CLRN1: variants seen among roughly 807,000 people sequenced by gnomAD.
CLRN1 encodes clarin 1.
Under a neutral mutation model 18.7 loss-of-function variants are expected in CLRN1, and 15 were observed. The ratio of observed to expected loss-of-function variants is 0.80; its 90% CI spans 0.54 to 1.23. The LOEUF (loss-of-function observed/expected upper bound fraction) is 1.23. Ranked by LOEUF, CLRN1 falls within the 50% of genes most tolerant of loss-of-function variation. The pLI is 0.00. For missense variants in CLRN1, 311 were observed against 277.5 expected (o/e 1.12, Z -0.86); for synonymous variants, 104 against 102.9 (o/e 1.01, Z -0.07).
chr3:150,959,237 CAAT>C (rs950614617), intron 1 of CLRN1, among the ~76,000 whole-genome samples: 1 of 145,236 alleles, frequency 6.9e-6, no homozygotes, highest in African/African-American at 2.5e-5. Context: ...CATGGGCACT[CAAT>C]AATCTTTTTA....
At chr3:150,966,675 G>T (rs1409283491) in intron 1 of CLRN1, among the ~76,000 whole-genome samples, 1 of 152,132 alleles carries the variant, frequency 6.6e-6, no homozygotes, top group Non-Finnish European at 1.5e-5. Flanking sequence ...GTAAAAGATT[G>T]TAATGGGAGA....
chr3:150,957,242 C>T (rs1280352566), intron 1 of CLRN1, among the ~76,000 whole-genome samples: 1 of 73,396 alleles, frequency 1.4e-5, no homozygotes, highest in East Asian at 5.2e-4. Flanking sequence ...ATTTTATACA[C>T]ACACACACAC....
At chr3:150,960,734 C>A (rs1336739500) in intron 1 of CLRN1, among the ~76,000 whole-genome samples, 1 of 152,172 alleles carries the variant, frequency 6.6e-6, no homozygotes, top group Non-Finnish European at 1.5e-5. Context: ...TTGGAAGGAG[C>A]AGAGCCCTTC....
At chr3:150,932,075 T>G (rs1385377311) in intron 2 of CLRN1, among the ~76,000 whole-genome samples, 1 of 152,100 alleles carries the variant, frequency 6.6e-6, no homozygotes, top group Non-Finnish European at 1.5e-5. Context: ...TTAATGACTT[T>G]GATTACTGAG....
chr3:150,932,048 T>G lies in CLRN1; in HGVS notation c.434-3847A>C, dbSNP rs959021555. ...CCCACCATCTGTCTGGTACTGTAGG[T>G]TTTTTTTTTCTTCCTTTTAATGACT... On this transcript the variant is annotated intron_variant, in intron 2 of 2. Coordinates refer to ENST00000327047, the MANE Select transcript of CLRN1 (RefSeq NM_174878.3). 1.1e-4 allele frequency among the ~76,000 whole-genome samples: 17 copies of G among 149,726 alleles called. No individual in the cohort carries two copies. The East Asian group carries it at 2.9e-3, about 26-fold the overall frequency.
intron 1 of CLRN1, chr3:150,942,532 A>G (rs748854289): frequency 6.9e-5 from 30 of 435,936 alleles, no homozygotes; most frequent in Non-Finnish European, 1.3e-4. Context: ...TCAAGTGCTT[A>G]AGTTATTCAC....
At chr3:150,944,989 G>A (rs1260787218) in intron 1 of CLRN1, among the ~76,000 whole-genome samples, 1 of 152,158 alleles carries the variant, frequency 6.6e-6, no homozygotes, top group Non-Finnish European at 1.5e-5. Context: ...GAAGACTGGG[G>A]TGTTAAAGAG....
Position 150,940,487 on chromosome 3 carries a change from C to T in CLRN1, c.433+1095G>A, listed in dbSNP as rs1045147887. On this transcript the variant is annotated intron_variant, in intron 2 of 2. Coordinates refer to ENST00000327047, the MANE Select transcript of CLRN1 (RefSeq NM_174878.3). ...GTCAAGAGCAAGAAAGTACCTTGAGCCTGGTGCCTGGTAGCTGGCAGCCAA... is the reference window on the plus strand; with the variant it reads ...GTCAAGAGCAAGAAAGTACCTTGAGTCTGGTGCCTGGTAGCTGGCAGCCAA... The T allele has an allele frequency of 1.4e-5, 21 of 1,534,436 alleles. No individual in the cohort carries two copies. The African/African-American group carries it at 2.7e-4, about 20-fold the overall frequency.
intron 1 of CLRN1, among the ~76,000 whole-genome samples, chr3:150,947,758 C>T (rs532196039): frequency 6.6e-6 from 1 of 152,174 alleles, no homozygotes; most frequent in African/African-American, 2.4e-5. Context: ...TCGCTCAAAA[C>T]CATGCAATTA....
intron 1 of CLRN1, chr3:150,945,419 C>T (rs1005381080): frequency 1.0e-6 from 1 of 982,434 alleles, no homozygotes; most frequent in African/African-American, 1.7e-5. Context: ...GGCCACAACA[C>T]TCTACTCCTG....
chr3:150,950,284 A>G (rs949839550), intron 1 of CLRN1, among the ~76,000 whole-genome samples: 2 of 152,248 alleles, frequency 1.3e-5, no homozygotes, highest in Non-Finnish European at 2.9e-5. Context: ...ACCAAAAGCA[A>G]TTGCAACAAA....
chr3:150,972,624 C>T lies in CLRN1; in HGVS notation c.85G>A (p.Gly29Arg). 2.5e-6 allele frequency: 4 copies of T among 1,614,206 alleles called. No homozygotes were observed. Among genetic ancestry groups the T allele is most frequent in the Non-Finnish European group, 3.4e-6 (4 of 1,180,050 alleles). Residue 29 changes from glycine (G) to arginine (R), a missense_variant, in exon 1 of 3, where the codon GGG becomes AGG. Physicochemically the swap from Gly to Arg is moderately radical, Grantham distance 125. Coordinates refer to ENST00000327047, the MANE Select transcript of CLRN1 (RefSeq NM_174878.3). ...GTGGCTTTGATCCACAACGGTGTCC[C>T]CAAGGCTGTCACAACTCCGAGGGCA... ...ACALGVVTAL[G>R]TPLWIKATVL...
chr3:150,971,097 T>G (rs1715513552), intron 1 of CLRN1, among the ~76,000 whole-genome samples: 1 of 152,248 alleles, frequency 6.6e-6, no homozygotes. Context: ...TTACTCACGC[T>G]TTGGCTGCCG....
chr3:150,952,544 G>A (rs1714544434), intron 1 of CLRN1, among the ~76,000 whole-genome samples: 1 of 152,192 alleles, frequency 6.6e-6, no homozygotes. Context: ...ATCATCATAA[G>A]TCGAGTCACA....
chr3:150,945,719 T>C (rs191426612), intron 1 of CLRN1: 2 of 1,076,098 alleles, frequency 1.9e-6, no homozygotes, highest in African/African-American at 1.6e-5. Flanking sequence ...AACTTTGAGA[T>C]ACCATTTTCA....
At chr3:150,934,549 T>C (rs772207458) in intron 2 of CLRN1, among the ~76,000 whole-genome samples, 1 of 152,212 alleles carries the variant, frequency 6.6e-6, no homozygotes, top group East Asian at 1.9e-4. Flanking sequence ...ATACCTTTCA[T>C]GTCATTCTCA....
chr3:150,972,456 A>T lies in CLRN1; in HGVS notation c.253T>A (p.Phe85Ile). Residue 85 changes from phenylalanine (F) to isoleucine (I), a missense_variant and splice_region_variant, in exon 1 of 3, where the codon TTT (phenylalanine) becomes ATT (isoleucine). Physicochemically the swap from Phe to Ile is conservative, Grantham distance 21. Coordinates refer to ENST00000327047, the MANE Select transcript of CLRN1 (RefSeq NM_174878.3). ...TAACTCAAATGCAATTGCTACTTACATGAGAACCGAAAGGGCCTTGCTCCC... is the reference window on the plus strand; with the variant it reads ...TAACTCAAATGCAATTGCTACTTACTTGAGAACCGAAAGGGCCTTGCTCCC... ...GLGARPFRFS[F>I]FPDLLKAIPV... The T allele has an allele frequency of 6.2e-7, 1 of 1,614,194 alleles. No homozygotes were observed. The highest frequency in any genetic ancestry group is 8.5e-7 in the Non-Finnish European group (1 of 1,180,042).
intron 2 of CLRN1, among the ~76,000 whole-genome samples, chr3:150,930,255 G>A (rs371461138): frequency 6.6e-6 from 1 of 152,132 alleles, no homozygotes; most frequent in Non-Finnish European, 1.5e-5. Flanking sequence ...CTGGACTGTG[G>A]GGGGAGAGTA....
At chr3:150,966,722 G>A (rs1715278027) in intron 1 of CLRN1, among the ~76,000 whole-genome samples, 1 of 152,102 alleles carries the variant, frequency 6.6e-6, no homozygotes, top group Non-Finnish European at 1.5e-5. Flanking sequence ...AAATCCATCT[G>A]GATCCTGATA....
Sources: gnomAD v4.1 joint callset for allele counts (sites outside exome capture counted in the v4.1 genomes callset) on GRCh38, gnomAD v4.1.1 for gene constraint, MANE v1.5 for transcripts, NCBI Gene and HGNC (gene_info 2026-07-23, HGNC 2026-07-21) for gene names.